GSE1: variants seen among roughly 807,000 people sequenced by gnomAD.
The protein encoded by GSE1 is genetic suppressor element 1.
GSE1 carries 32 observed loss-of-function variants against 112.6 expected under a neutral mutation model. That is an observed-to-expected ratio of 0.28 (90% confidence interval 0.21 to 0.38). The LOEUF (loss-of-function observed/expected upper bound fraction) is 0.38, where lower values mean the gene tolerates loss of function less well. GSE1 is among the 10% of genes least tolerant of loss of function. The pLI is 1.00. For missense variants in GSE1, 2,348 were observed against 1,699.2 expected, an observed-to-expected ratio of 1.38 and a Z score of -6.71; for synonymous variants, 1,115 against 735.6, an observed-to-expected ratio of 1.52 and a Z score of -8.35.
At chr16:85,444,685 C>T (rs762039164) in intron 2 of GSE1, among the ~76,000 whole-genome samples, 2 of 152,130 alleles carry the variant, frequency 1.3e-5, no homozygotes, top group African/African-American at 2.4e-5. Context: ...TGCACACGTG[C>T]ACACACGCTA....
chr16:85,203,682 AC>A (rs2075068156), intron 1 of GSE1, among the ~76,000 whole-genome samples: 1 of 152,128 alleles, frequency 6.6e-6, no homozygotes, highest in Non-Finnish European at 1.5e-5. Context: ...CATACAATTC[AC>A]CTGTCTCAAG....
At chr16:85,317,440 C>T (rs1485091482) in intron 1 of GSE1, among the ~76,000 whole-genome samples, 2 of 152,144 alleles carry the variant, frequency 1.3e-5, no homozygotes, top group Non-Finnish European at 2.9e-5. Context: ...GCCAGCAGCC[C>T]CAGGAAGTGA....
chr16:85,188,327 T>C (rs1480287989), intron 1 of GSE1, among the ~76,000 whole-genome samples: 1 of 152,252 alleles, frequency 6.6e-6, no homozygotes, highest in Non-Finnish European at 1.5e-5. Flanking sequence ...AGAGTGTGTG[T>C]CACAGGCTGT....
chr16:85,469,126 C>CG (rs892984110), intron 2 of GSE1, among the ~76,000 whole-genome samples: 8 of 151,978 alleles, frequency 5.3e-5, no homozygotes, highest in African/African-American at 1.9e-4. Context: ...TGTGGTGACA[C>CG]GGGCCTGTAA....
intron 2 of GSE1, among the ~76,000 whole-genome samples, chr16:85,457,150 G>A (rs1229018211): frequency 6.6e-6 from 1 of 152,204 alleles, no homozygotes; most frequent in African/African-American, 2.4e-5. Context: ...AGGGCAGCGG[G>A]GTCTGCCCTA....
At chr16:85,392,780 C>T (rs550870307) in intron 2 of GSE1, among the ~76,000 whole-genome samples, 3 of 152,338 alleles carry the variant, frequency 2.0e-5, no homozygotes, top group South Asian at 4.1e-4. Flanking sequence ...AGTCCAGCCT[C>T]CTTGACCCTT....
intron 2 of GSE1, among the ~76,000 whole-genome samples, chr16:85,458,600 GGGC>G (rs1397437879): frequency 6.6e-6 from 1 of 152,226 alleles, no homozygotes; most frequent in African/African-American, 2.4e-5. Context: ...CCAGTGGCAG[GGGC>G]TTCCACATTG....
At chr16:85,245,892 C>T (rs970538637) in intron 1 of GSE1, among the ~76,000 whole-genome samples, 100 of 149,556 alleles carry the variant, frequency 6.7e-4, no homozygotes, top group Non-Finnish European at 1.3e-3. Flanking sequence ...TGTGTGTGTG[C>T]GTGTGTGTCG....
chr16:85,553,045 TTTTC>T (rs1177052350), upstream of GSE1, among the ~76,000 whole-genome samples: 3 of 136,922 alleles, frequency 2.2e-5, no homozygotes, highest in Non-Finnish European at 5.0e-5. Flanking sequence ...TTAAAAATAG[TTTTC>T]TTTTTTTTTT....
chr16:85,648,271 G>A (rs553391467), intron 2 of GSE1, among the ~76,000 whole-genome samples: 1 of 152,244 alleles, frequency 6.6e-6, no homozygotes, highest in South Asian at 2.1e-4. Context: ...GCGGTGGGCG[G>A]CCCTGGGCAC....
At chr16:85,206,567 G>A (rs1469557227) in intron 1 of GSE1, among the ~76,000 whole-genome samples, 1 of 152,150 alleles carries the variant, frequency 6.6e-6, no homozygotes, top group East Asian at 1.9e-4. Flanking sequence ...GCCAGGTGGG[G>A]CTTGGCATGC....
chr16:85,378,679 G>A (rs1162134371), intron 2 of GSE1, among the ~76,000 whole-genome samples: 1 of 152,206 alleles, frequency 6.6e-6, no homozygotes. Context: ...CCAGGAGACC[G>A]AGGCCCAGGC....
chr16:85,419,753 T>C lies in GSE1; in HGVS notation c.2464+62110T>C, dbSNP rs1260172416. ...TCTAAAAACCCCTCTGATGCCTGCC[T>C]CCCCCGCCCCGCCCCCACCCCTCCA... On this transcript the variant is annotated intron_variant, in intron 2 of 2. Transcript: ENST00000637419. This position sits in a 1 kb window ranked among gnomAD's most constrained non-coding sequence, Gnocchi z 6.5. Among the ~76,000 whole-genome samples, 1 of 151,242 alleles carries C rather than the reference T, an allele frequency of 6.6e-6. No individual in the cohort carries two copies. Among genetic ancestry groups the C allele is most frequent in the Non-Finnish European group, 1.5e-5 (1 of 67,766 alleles).
chr16:85,648,611 C>G lies in GSE1; in HGVS notation c.286C>G (p.Pro96Ala), dbSNP rs776541218. The change falls in exon 3 of 16, where the codon CCC becomes GCC. Residue 96 changes from proline (P) to alanine (A), a missense_variant. Transcript: ENST00000253458. ...VSSPATNHSSPASTPKRVPMG... is the reference protein window; with the variant it reads ...VSSPATNHSSAASTPKRVPMG... ...CTCTCCGGCCACCAACCACAGCTCC[C>G]CCGCCAGCACACCCAAGCGCGTGCC... 6.2e-7 allele frequency: 1 copy of G among 1,606,450 alleles called. No homozygotes were observed. Among genetic ancestry groups the G allele is most frequent in the Non-Finnish European group, 8.5e-7 (1 of 1,176,410 alleles).
At chr16:85,299,638 C>T (rs1045331306) in intron 1 of GSE1, among the ~76,000 whole-genome samples, 2 of 152,218 alleles carry the variant, frequency 1.3e-5, no homozygotes, top group Non-Finnish European at 1.5e-5. Flanking sequence ...TTAAAAATTG[C>T]ATTCTTTGGC....
intron 2 of GSE1, among the ~76,000 whole-genome samples, chr16:85,526,991 G>A (rs572411419): frequency 9.2e-5 from 14 of 152,230 alleles, no homozygotes; most frequent in Non-Finnish European, 1.9e-4. Flanking sequence ...CAGTGGAAGT[G>A]CCAAAACAGT....
intron 2 of GSE1, among the ~76,000 whole-genome samples, chr16:85,647,704 C>T (rs779595098): frequency 2.6e-5 from 4 of 152,126 alleles, no homozygotes; most frequent in Non-Finnish European, 4.4e-5. Flanking sequence ...CTCCTGCCTC[C>T]GCCTCCCGAG....
At chr16:85,358,282 G>T (rs1183294281) in intron 2 of GSE1, among the ~76,000 whole-genome samples, 1 of 152,230 alleles carries the variant, frequency 6.6e-6, no homozygotes, top group East Asian at 1.9e-4. Context: ...CTGGGCCTTG[G>T]GGCCTGGGCC....
chr16:85,177,211 G>C (rs1300396863), intron 1 of GSE1, among the ~76,000 whole-genome samples: 1 of 152,208 alleles, frequency 6.6e-6, no homozygotes, highest in Non-Finnish European at 1.5e-5. Context: ...AGCCAGGGTC[G>C]GCAAAGCTTC....
Sources: allele counts gnomAD v4.1 joint callset (sites outside exome capture counted in the v4.1 genomes callset), GRCh38; gene constraint gnomAD v4.1.1; non-coding constraint Gnocchi (gnomAD v3.1); transcripts MANE v1.5; gene names NCBI Gene and HGNC (gene_info 2026-07-23, HGNC 2026-07-21).